BAIAP2L2: variants seen among roughly 807,000 people sequenced by gnomAD.
BAIAP2L2 encodes BAR/IMD domain-containing adapter protein 2-like 2.
In BAIAP2L2, 65 loss-of-function variants were observed where a neutral mutation model predicts 60.4. That is an observed-to-expected ratio of 1.08 (90% CI 0.88 to 1.32). The LOEUF is 1.32. BAIAP2L2 is among the 40% of genes most tolerant of loss of function. The probability of loss-of-function intolerance (pLI) is 0.00; values close to 1 mark genes in which losing one functional copy is unlikely to be tolerated. For synonymous variants in BAIAP2L2, 344 were observed against 301.7 expected (o/e 1.14, Z -1.45); for missense variants, 836 against 741.2 (o/e 1.13, Z -1.48).
chr22:38,105,377 T>C (rs2086645706), intron 4 of BAIAP2L2, among the ~76,000 whole-genome samples: 1 of 142,922 alleles, frequency 7.0e-6, no homozygotes, highest in African/African-American at 2.6e-5. Context: ...AGTCTCACCG[T>C]CACCCAGGCT....
rs375832280 is a variant in BAIAP2L2, at chr22:38,087,255, C to A, written c.1128G>T (p.Trp376Cys). 1.6e-5 allele frequency: 26 copies of A among 1,605,202 alleles called. No individual in the cohort carries two copies. The highest frequency in any genetic ancestry group is 2.0e-5 in the Non-Finnish European group (23 of 1,176,222). ...GAGCCTTCACGTACGCCTCGGGGAA[C>A]CAACCGCTCCTGTGGGGTAGAGGCA... ...GKLEGSSASGWFPEAYVKALE... is the reference protein window; with the variant it reads ...GKLEGSSASGCFPEAYVKALE... The change falls in exon 11 of 14, where the codon TGG becomes TGT. Residue 376 changes from tryptophan to cysteine, a missense_variant. Trp to Cys is a radical substitution (Grantham distance 215). Transcript: ENST00000381669.
intron 10 of BAIAP2L2, among the ~76,000 whole-genome samples, chr22:38,088,414 C>T (rs1569217160): frequency 6.6e-6 from 1 of 152,242 alleles, no homozygotes; most frequent in Non-Finnish European, 1.5e-5. Flanking sequence ...GCTGACTCTG[C>T]AGAGGGGAAG....
intron 4 of BAIAP2L2, among the ~76,000 whole-genome samples, 199 bp from the exon 5 acceptor site, chr22:38,098,681 A>AG (rs1182669760): frequency 1.3e-5 from 2 of 152,244 alleles, no homozygotes; most frequent in Non-Finnish European, 2.9e-5. Context: ...CACAATGTTT[A>AG]GTGCAGTGCT....
Position 38,096,297 on chromosome 22 carries a change from A to G in BAIAP2L2, c.612+735T>C, listed in dbSNP as rs376731177. Among the ~76,000 whole-genome samples, 63 of 152,348 alleles carry G rather than the reference A, an allele frequency of 4.1e-4. 1 individual carries two copies. Among genetic ancestry groups the G allele is most frequent in the African/African-American group, 1.5e-3 (61 of 41,572 alleles). On this transcript the variant is annotated intron_variant, in intron 7 of 13. Coordinates refer to ENST00000381669, the MANE Select transcript of BAIAP2L2 (RefSeq NM_025045.6). The stretch of plus-strand genomic sequence containing the variant: ...AGTGAAATCTATTAGAAATCCAATG[A>G]GAGATGAGAGAGTCTGACTAGTCTA...
At chr22:38,105,753 A>G (rs1156912616) in intron 4 of BAIAP2L2, among the ~76,000 whole-genome samples, 1 of 152,144 alleles carries the variant, frequency 6.6e-6, no homozygotes, top group East Asian at 1.9e-4. Flanking sequence ...CGTGTTACGT[A>G]TCGATTCACT....
chr22:38,099,758 G>A (rs1382033164), intron 4 of BAIAP2L2, among the ~76,000 whole-genome samples: 1 of 152,072 alleles, frequency 6.6e-6, no homozygotes, highest in African/African-American at 2.4e-5. Context: ...CCGCGGACAC[G>A]TCCTCCTCTG....
intron 4 of BAIAP2L2, among the ~76,000 whole-genome samples, chr22:38,105,631 C>T (rs371851763): frequency 7.2e-5 from 11 of 152,184 alleles, no homozygotes; most frequent in African/African-American, 2.7e-4. Flanking sequence ...GCGTGAGCCA[C>T]TGCGCCGGGA....
At position 38,109,992 on chromosome 22, in the gene BAIAP2L2, G is replaced by C. The variant is rs536348280; in HGVS notation, c.51+483C>G. 4.5e-3 allele frequency among the ~76,000 whole-genome samples: 631 copies of C among 140,706 alleles called. 6 individuals carry two copies. Among genetic ancestry groups the C allele is most frequent in the Non-Finnish European group, 7.3e-3 (481 of 65,544 alleles). The allele number at this position is 140,706 out of a possible 152,430, so 92.3% of individuals were successfully genotyped here. A position where few individuals can be genotyped will look rare whatever the true frequency, so the allele number is the denominator to read the frequency against. On this transcript the variant is annotated intron_variant, in intron 1 of 13. Coordinates refer to ENST00000381669, the MANE Select transcript of BAIAP2L2 (RefSeq NM_025045.6). ...TGTGGCGGCTGCAACAACCCCCCGGGGGTGAAGTAGGAAGTCTGAGGGGCT... is the reference window on the plus strand; with the variant it reads ...TGTGGCGGCTGCAACAACCCCCCGGCGGTGAAGTAGGAAGTCTGAGGGGCT...
chr22:38,097,882 A>G (rs1231946601), intron 6 of BAIAP2L2, among the ~76,000 whole-genome samples, 181 bp downstream of exon 6: 1 of 152,056 alleles, frequency 6.6e-6, no homozygotes, highest in Admixed American at 6.5e-5. Context: ...GCGTGGCCCT[A>G]GGAGCTAGTT....
chr22:38,089,803 A>G (rs145544691), intron 7 of BAIAP2L2, 129 bp from the exon 8 acceptor site: 6 of 910,168 alleles, frequency 6.6e-6, no homozygotes, highest in Non-Finnish European at 8.6e-6. Context: ...TTCTAGCTGG[A>G]AGGAGCCAGA....
At chr22:38,098,025 GCCCT>G in intron 6 of BAIAP2L2, 34 bp downstream of exon 6, 9 of 647,906 alleles carry the variant, frequency 1.4e-5, no homozygotes, top group Non-Finnish European at 2.5e-5. Context: ...CTGCCCACCC[GCCCT>G]TCCTGGCCCA....
At chr22:38,102,883 C>A (rs2086593555) in intron 4 of BAIAP2L2, among the ~76,000 whole-genome samples, 1 of 151,200 alleles carries the variant, frequency 6.6e-6, no homozygotes, top group African/African-American at 2.4e-5. Flanking sequence ...ACTAAACATA[C>A]CAAAAAAAAA....
At chr22:38,086,911 G>C (rs951339063) in intron 11 of BAIAP2L2, among the ~76,000 whole-genome samples, 5 of 150,282 alleles carry the variant, frequency 3.3e-5, no homozygotes, top group Non-Finnish European at 5.9e-5. Flanking sequence ...CAGGAGAATC[G>C]CTTGAATGCA....
rs1378551331 is a variant in BAIAP2L2 at position 38,087,006 on chromosome 22, AAAC to A, written c.1259+115_1259+117del. 2,436 of 1,234,910 alleles carry A rather than the reference AAAC, an allele frequency of 2.0e-3. 15 individuals are homozygous for A. Among genetic ancestry groups the A allele is most frequent in the African/African-American group, 0.012 (680 of 58,756 alleles). 76.5% of individuals were successfully genotyped at this position (1,234,910 alleles called of 1,614,324 possible). ...GTGAGACTCTGTCTCAAAAAAAAAA[AAAC>A]AAAACAAAACAAAAAAACAAAAAAA... is the stretch of plus-strand genomic sequence containing the variant. On this transcript the variant is annotated intron_variant, in intron 11 of 13. Coordinates refer to ENST00000381669, the MANE Select transcript of BAIAP2L2 (RefSeq NM_025045.6).
At chr22:38,108,688 G>A (rs1047015796) in intron 2 of BAIAP2L2, among the ~76,000 whole-genome samples, 2 of 152,124 alleles carry the variant, frequency 1.3e-5, no homozygotes, top group African/African-American at 4.8e-5. Context: ...GAATGTCAAG[G>A]CCAGCTGCAG....
intron 13 of BAIAP2L2, 146 bp from the exon 14 acceptor site, chr22:38,085,521 T>C (rs2086033872): frequency 7.7e-7 from 1 of 1,302,776 alleles, no homozygotes; most frequent in African/African-American, 1.5e-5. Context: ...TTCATCTTTT[T>C]TTTTCTTTTA....
Position 38,107,882 on chromosome 22 carries a change from C to T in BAIAP2L2, c.246G>A (p.Gln82=). Residue 82 remains glutamine, a synonymous_variant, in exon 4 of 14, where the codon CAG becomes CAA. Coordinates refer to ENST00000381669, the MANE Select transcript of BAIAP2L2 (RefSeq NM_025045.6). ...CCTCCAGGTCAGAGTTCAAGTGCCG[C>T]TGGGTGTCAGACATCTGCACCAAGA... ...GEILVQMSDT[Q]RHLNSDLEVV... The T allele has an allele frequency of 1.2e-6, 2 of 1,613,510 alleles. No homozygotes were observed. Among genetic ancestry groups the T allele is most frequent in the South Asian group, 2.2e-5 (2 of 91,084 alleles).
At chr22:38,094,072 T>C (rs1816471623) in intron 7 of BAIAP2L2, 7 of 449,130 alleles carry the variant, frequency 1.6e-5, no homozygotes, top group South Asian at 1.1e-4. Flanking sequence ...ACACATTGTA[T>C]GATTCTGTTT....
intron 7 of BAIAP2L2, chr22:38,090,868 G>A (rs964136585): frequency 1.3e-5 from 2 of 152,168 alleles, no homozygotes; most frequent in African/African-American, 4.8e-5. Flanking sequence ...GTCAAACTCA[G>A]GCAGCAATAA....
Sources: gnomAD v4.1 joint callset for allele counts (sites outside exome capture counted in the v4.1 genomes callset) on GRCh38, gnomAD v4.1.1 for gene constraint, MANE v1.5 for transcripts, NCBI Gene and HGNC (gene_info 2026-07-23, HGNC 2026-07-21) for gene names.